Variants in NCOR1 observed in about 807,000 individuals in gnomAD.
NCOR1 encodes nuclear receptor corepressor 1.
Under a neutral mutation model 288.1 loss-of-function variants are expected in NCOR1, and 63 were observed. That is an observed-to-expected ratio of 0.22 (90% CI 0.18 to 0.27). The LOEUF is 0.27. Among genes scored for constraint, NCOR1 ranks in the 10% least tolerant of loss-of-function variants. The pLI, the probability that NCOR1 is intolerant of heterozygous loss-of-function variation, is 1.00. For missense variants in NCOR1, 2,397 were observed against 3,019.2 expected, an observed-to-expected ratio of 0.79 and a Z score of 4.83; for synonymous variants, 1,007 against 1,065.9, an observed-to-expected ratio of 0.94 and a Z score of 1.08.
chr17:16,137,134 G>C (rs1337866979), intron 14 of NCOR1, among the ~76,000 whole-genome samples, 177 bp downstream of exon 14: 1 of 151,958 alleles, frequency 6.6e-6, no homozygotes, highest in Non-Finnish European at 1.5e-5. Flanking sequence ...TGAAATACAA[G>C]ATTTAATACA....
At chr17:16,194,338 AGCTC>A (rs1271216288) in intron 2 of NCOR1, 120 bp downstream of exon 2, 4 of 527,670 alleles carry the variant, frequency 7.6e-6, no homozygotes, top group Non-Finnish European at 1.3e-5. Flanking sequence ...CTTTGTAAAT[AGCTC>A]TTGCAACTTA....
chr17:16,116,281 T>A (rs2071563282), intron 18 of NCOR1, among the ~76,000 whole-genome samples: 2 of 152,114 alleles, frequency 1.3e-5, no homozygotes, highest in South Asian at 4.1e-4. Flanking sequence ...CCAAACCATA[T>A]CACATTATAA....
chr17:16,126,291 A>C, intron 14 of NCOR1, 85 bp from the exon 15 acceptor site: 1 of 1,325,748 alleles, frequency 7.5e-7, no homozygotes, highest in Non-Finnish European at 1.0e-6. Flanking sequence ...CTATCTAAAA[A>C]AATTTTAAAT....
intron 11 of NCOR1, among the ~76,000 whole-genome samples, chr17:16,140,997 C>CAAAAAAAAAAAAAAAAAAAAAAAAA (rs372397821): frequency 1.1e-4 from 13 of 113,732 alleles, no homozygotes; most frequent in African/African-American, 2.0e-4. Flanking sequence ...TCTCCTATCT[C>CAAAAAAAAAAAAAAAAAAAAAAAAA]AAAAAAAAAA....
chr17:16,192,060 G>T (rs2088504944), intron 2 of NCOR1: 1 of 150,868 alleles, frequency 6.6e-6, no homozygotes, highest in African/African-American at 2.4e-5. Flanking sequence ...AAATGGAGCA[G>T]GTCACAACTC....
In NCOR1 at chr17:16,127,208, T is replaced by C. The variant is rs187432053; in HGVS notation, c.1510-1002A>G. Reference sequence around the variant, plus strand: ...CTGTATGTATATATACATGTATGTATATATCTGTATGTATATATACATGTA... The same window carrying C: ...CTGTATGTATATATACATGTATGTACATATCTGTATGTATATATACATGTA... On this transcript the variant is annotated intron_variant, in intron 14 of 45. Coordinates refer to ENST00000268712, the MANE Select transcript of NCOR1 (RefSeq NM_006311.4). 1.4e-5 allele frequency among the ~76,000 whole-genome samples: 2 copies of C among 146,682 alleles called. 1 individual carries two copies. The highest frequency in any genetic ancestry group is 3.9e-4 in the East Asian group (2 of 5,072).
chr17:16,171,429 C>T (rs1033723708), intron 4 of NCOR1, among the ~76,000 whole-genome samples: 1 of 152,058 alleles, frequency 6.6e-6, no homozygotes, highest in Non-Finnish European at 1.5e-5. Flanking sequence ...TAATAAACTG[C>T]TACTAAATTT....
intron 14 of NCOR1, among the ~76,000 whole-genome samples, chr17:16,130,182 A>T (rs1331382795): frequency 6.6e-6 from 1 of 152,216 alleles, no homozygotes; most frequent in East Asian, 1.9e-4. Context: ...AGTCAGCAGC[A>T]ACTGGAGGAC....
chr17:16,183,777 G>A (rs1020884690), intron 3 of NCOR1, among the ~76,000 whole-genome samples: 3 of 152,022 alleles, frequency 2.0e-5, no homozygotes, highest in African/African-American at 7.2e-5. Context: ...ACCCCCAATA[G>A]CAAAATCAAT....
At chr17:16,127,619 G>GTATA (rs772226410) in intron 14 of NCOR1, among the ~76,000 whole-genome samples, 11 of 134,396 alleles carry the variant, frequency 8.2e-5, no homozygotes, top group Admixed American at 7.3e-5. Flanking sequence ...ATGTGTATGT[G>GTATA]TATATATACA....
At chr17:16,044,734 T>C in intron 42 of NCOR1, 2 of 756,226 alleles carry the variant, frequency 2.6e-6, no homozygotes, top group South Asian at 2.7e-5. Context: ...CTGGTGTAAA[T>C]GTTGAACCTT....
At chr17:16,203,071 A>ACACACACACACT (rs900762304) in intron 1 of NCOR1, among the ~76,000 whole-genome samples, 20 of 143,108 alleles carry the variant, frequency 1.4e-4, no homozygotes, top group African/African-American at 5.1e-4. Flanking sequence ...ACACACACAC[A>ACACACACACACT]CTCTGAAGCT....
At chr17:16,062,399 T>C (rs1226252383) in intron 35 of NCOR1, 129 bp from the exon 36 acceptor site, 1 of 978,004 alleles carries the variant, frequency 1.0e-6, no homozygotes, top group Non-Finnish European at 1.4e-6. Context: ...GATAAGAAAC[T>C]TGATAGTCTA....
intron 22 of NCOR1, among the ~76,000 whole-genome samples, chr17:16,089,760 C>T (rs878974048): frequency 1.3e-5 from 2 of 152,074 alleles, no homozygotes; most frequent in Admixed American, 1.3e-4. Flanking sequence ...TAGACACAAG[C>T]ATCTTAACTG....
chr17:16,195,303 T>A (rs1326395278), intron 1 of NCOR1, among the ~76,000 whole-genome samples: 1 of 152,030 alleles, frequency 6.6e-6, no homozygotes, highest in Non-Finnish European at 1.5e-5. Flanking sequence ...AAACTTCTTT[T>A]CTACTAAAAA....
intron 2 of NCOR1, among the ~76,000 whole-genome samples, chr17:16,188,421 C>T (rs895924039): frequency 4.6e-5 from 7 of 151,756 alleles, no homozygotes; most frequent in African/African-American, 1.5e-4. Flanking sequence ...AACAGCCTGG[C>T]CAACACAGTG....
chr17:16,089,835 A>G (rs2064889351), intron 22 of NCOR1, among the ~76,000 whole-genome samples: 1 of 152,154 alleles, frequency 6.6e-6, no homozygotes, highest in Non-Finnish European at 1.5e-5. Flanking sequence ...ACTCAAGGAA[A>G]AACTTCTGGT....
intron 1 of NCOR1, 25 bp downstream of exon 1, chr17:16,215,337 G>A (rs76607790): frequency 0.039 from 15,243 of 392,172 alleles, 391 homozygotes; most frequent in African/African-American, 0.092. Flanking sequence ...GGAGGCCGGG[G>A]TTGCAGGCGC....
At chr17:16,157,240 C>T (rs915171891) in intron 6 of NCOR1, among the ~76,000 whole-genome samples, 1 of 152,130 alleles carries the variant, frequency 6.6e-6, no homozygotes, top group Non-Finnish European at 1.5e-5. Context: ...TAGGCATGGT[C>T]ACCTCCTTCC....
Sources: gnomAD v4.1 joint callset for allele counts (sites outside exome capture counted in the v4.1 genomes callset) on GRCh38, gnomAD v4.1.1 for gene constraint, MANE v1.5 for transcripts, NCBI Gene and HGNC (gene_info 2026-07-23, HGNC 2026-07-21) for gene names.